SLC24A3: variants seen among roughly 807,000 people sequenced by gnomAD.
SLC24A3 encodes the protein sodium/potassium/calcium exchanger 3.
Under a neutral mutation model 75.8 loss-of-function variants are expected in SLC24A3, and 28 were observed. The observed-to-expected ratio is 0.37, with a 90% CI of 0.27 to 0.51. The LOEUF (loss-of-function observed/expected upper bound fraction) is 0.51, where lower values mean the gene tolerates loss of function less well. Among genes scored for constraint, SLC24A3 ranks in the 20% least tolerant of loss-of-function variants. The probability of loss-of-function intolerance (pLI) is 0.94; values close to 1 mark genes in which losing one functional copy is unlikely to be tolerated. For synonymous variants in SLC24A3, 372 were observed against 334.1 expected (o/e 1.11, Z -1.24); for missense variants, 663 against 847.8 (o/e 0.78, Z 2.71).
At chr20:19,307,739 A>G (rs1406212216) in intron 2 of SLC24A3, among the ~76,000 whole-genome samples, 1 of 152,216 alleles carries the variant, frequency 6.6e-6, no homozygotes, top group Admixed American at 6.5e-5. Flanking sequence ...CTGCATGTTC[A>G]GCACGTGTAT....
At chr20:19,290,424 T>G (rs1370962844) in intron 2 of SLC24A3, among the ~76,000 whole-genome samples, 1 of 152,158 alleles carries the variant, frequency 6.6e-6, no homozygotes, top group Admixed American at 6.5e-5. Context: ...GGGGAACGAT[T>G]AGGTCATGAG....
At chr20:19,585,885 T>TTGGA (rs1389047619) in intron 6 of SLC24A3, among the ~76,000 whole-genome samples, 11 of 152,214 alleles carry the variant, frequency 7.2e-5, no homozygotes, top group Non-Finnish European at 2.9e-5. Context: ...CAATTTTAGG[T>TTGGA]ATGATTTTTG....
At chr20:19,424,728 C>CA (rs1225912703) in intron 2 of SLC24A3, among the ~76,000 whole-genome samples, 85 of 99,460 alleles carry the variant, frequency 8.5e-4, no homozygotes, top group African/African-American at 1.5e-3. Context: ...GACCCTTTCT[C>CA]AAAAAAAAAA....
intron 9 of SLC24A3, among the ~76,000 whole-genome samples, chr20:19,678,831 C>T (rs987801638): frequency 6.0e-5 from 9 of 150,954 alleles, no homozygotes; most frequent in African/African-American, 1.7e-4. Flanking sequence ...TCAGATGGGG[C>T]GGCTGGGCAG....
chr20:19,583,673 A>T lies in SLC24A3; in HGVS notation c.424-1298A>T, dbSNP rs375996783. Among the ~76,000 whole-genome samples the T allele has an allele frequency of 2.5e-3, 382 of 152,334 alleles. 2 individuals carry two copies. The highest frequency in any genetic ancestry group is 8.5e-3 in the African/African-American group (355 of 41,582). The stretch of plus-strand genomic sequence containing the variant: ...ACCCCAGCAGGACAGAACCACAGCA[A>T]CACATGGCTCCCGCCTCCTGGCAGG... On this transcript the variant is annotated intron_variant, in intron 4 of 16. Coordinates refer to ENST00000328041, the MANE Select transcript of SLC24A3 (RefSeq NM_020689.4).
intron 2 of SLC24A3, among the ~76,000 whole-genome samples, chr20:19,462,783 A>G (rs1440005383): frequency 2.0e-5 from 3 of 152,160 alleles, no homozygotes; most frequent in Non-Finnish European, 2.9e-5. Flanking sequence ...GCAGATGGAA[A>G]TGCATTAGCC....
intron 2 of SLC24A3, among the ~76,000 whole-genome samples, chr20:19,380,625 C>T (rs1258037473): frequency 6.6e-6 from 1 of 152,092 alleles, no homozygotes; most frequent in African/African-American, 2.4e-5. Context: ...TTAGTCTCTA[C>T]TAGCCTCTGA....
chr20:19,483,730 C>T (rs1988091043), intron 2 of SLC24A3, among the ~76,000 whole-genome samples: 1 of 152,062 alleles, frequency 6.6e-6, no homozygotes, highest in East Asian at 1.9e-4. Context: ...TGATAATAGC[C>T]CAGCTTCTTG....
At chr20:19,666,134 T>C (rs1296636390) in intron 8 of SLC24A3, among the ~76,000 whole-genome samples, 2 of 152,110 alleles carry the variant, frequency 1.3e-5, no homozygotes, top group Non-Finnish European at 2.9e-5. Flanking sequence ...CTAAATGTCT[T>C]TATTATCCTA....
intron 7 of SLC24A3, among the ~76,000 whole-genome samples, chr20:19,657,530 C>T (rs2032279826): frequency 6.6e-6 from 1 of 152,174 alleles, no homozygotes; most frequent in Admixed American, 6.5e-5. Flanking sequence ...TTTTCAGATT[C>T]CCAAAGGAAA....
intron 6 of SLC24A3, among the ~76,000 whole-genome samples, chr20:19,628,756 T>C (rs1266898224): frequency 6.6e-6 from 1 of 151,708 alleles, no homozygotes; most frequent in African/African-American, 2.4e-5. Context: ...AGCTACTGAG[T>C]AGAAACAGGC....
intron 6 of SLC24A3, among the ~76,000 whole-genome samples, chr20:19,617,671 G>A (rs1600304949): frequency 1.3e-5 from 2 of 152,158 alleles, no homozygotes; most frequent in South Asian, 4.1e-4. Context: ...TGGAGCCAGG[G>A]ACTGTTCCCA....
At chr20:19,486,958 AG>A (rs1256631338) in intron 2 of SLC24A3, among the ~76,000 whole-genome samples, 1 of 152,170 alleles carries the variant, frequency 6.6e-6, no homozygotes, top group Non-Finnish European at 1.5e-5. Context: ...GCTTCTCTGG[AG>A]GGCAGTTAGA....
intron 1 of SLC24A3, among the ~76,000 whole-genome samples, chr20:19,261,020 C>T (rs1354379176): frequency 6.6e-6 from 1 of 152,164 alleles, no homozygotes; most frequent in African/African-American, 2.4e-5. Flanking sequence ...TTCTATAGCC[C>T]CTCAGAAGCC....
At chr20:19,305,713 G>A (rs1406567124) in intron 2 of SLC24A3, among the ~76,000 whole-genome samples, 1 of 152,142 alleles carries the variant, frequency 6.6e-6, no homozygotes, top group African/African-American at 2.4e-5. Flanking sequence ...GCAGAAGAAT[G>A]AAACTAGACC....
chr20:19,688,124 G>A (rs934357637), intron 12 of SLC24A3, among the ~76,000 whole-genome samples: 1 of 152,204 alleles, frequency 6.6e-6, no homozygotes, highest in Non-Finnish European at 1.5e-5. Flanking sequence ...TTCTCTAGCA[G>A]CCCTTCTCAC....
At chr20:19,287,110 A>T (rs1298348685) in intron 2 of SLC24A3, among the ~76,000 whole-genome samples, 2 of 152,226 alleles carry the variant, frequency 1.3e-5, no homozygotes, top group Non-Finnish European at 2.9e-5. Context: ...AGTCCTCCAG[A>T]TTTCTGTGTT....
chr20:19,323,445 C>G (rs1984763292), intron 2 of SLC24A3, among the ~76,000 whole-genome samples: 1 of 152,094 alleles, frequency 6.6e-6, no homozygotes, highest in Admixed American at 6.5e-5. Context: ...GTGGGTGTTT[C>G]TGGCAAGGTT....
intron 3 of SLC24A3, among the ~76,000 whole-genome samples, chr20:19,578,586 A>T (rs935736568): frequency 5.9e-5 from 9 of 151,852 alleles, no homozygotes; most frequent in African/African-American, 1.9e-4. Context: ...TTCTATGGCT[A>T]TACTGGGTCA....
Sources: gnomAD v4.1 joint callset for allele counts (sites outside exome capture counted in the v4.1 genomes callset) on GRCh38, gnomAD v4.1.1 for gene constraint, MANE v1.5 for transcripts, NCBI Gene and HGNC (gene_info 2026-07-23, HGNC 2026-07-21) for gene names.